The following CCBE1 variants were observed in gnomAD, a reference collection of about 807,000 sequenced individuals.
CCBE1 encodes the protein collagen and calcium-binding EGF domain-containing protein 1.
CCBE1 carries 37 observed loss-of-function variants against 50.0 expected under a neutral mutation model. The ratio of observed to expected loss-of-function variants is 0.74; its 90% CI spans 0.57 to 0.97. The LOEUF is 0.97. CCBE1 is among the 50% of genes least tolerant of loss of function. The pLI, the probability that CCBE1 is intolerant of heterozygous loss-of-function variation, is 0.00. For synonymous variants in CCBE1, 234 were observed against 203.7 expected (o/e 1.15, Z -1.27); for missense variants, 538 against 523.8 (o/e 1.03, Z -0.26).
At chr18:59,523,342 G>GA (rs1914687207) in intron 2 of CCBE1, among the ~76,000 whole-genome samples, 1 of 150,948 alleles carries the variant, frequency 6.6e-6, no homozygotes, top group South Asian at 2.1e-4. Context: ...GGTTGATAGG[G>GA]ATACAGCCTT....
chr18:59,576,739 T>G (rs1255438324), intron 2 of CCBE1, among the ~76,000 whole-genome samples: 1 of 152,212 alleles, frequency 6.6e-6, no homozygotes, highest in Non-Finnish European at 1.5e-5. Context: ...TCTGTCTTGG[T>G]GTGAAACAAA....
At chr18:59,582,072 C>A (rs1568217507) in intron 2 of CCBE1, among the ~76,000 whole-genome samples, 1 of 152,108 alleles carries the variant, frequency 6.6e-6, no homozygotes, top group African/African-American at 2.4e-5. Context: ...CTCACAAAAC[C>A]TGTGGACCCA....
At chr18:59,480,458 A>T (rs756126908) in intron 2 of CCBE1, among the ~76,000 whole-genome samples, 2 of 152,178 alleles carry the variant, frequency 1.3e-5, no homozygotes, top group African/African-American at 4.8e-5. Flanking sequence ...TACATAATAT[A>T]TGAAATCAAC....
At chr18:59,643,222 T>C (rs2054013960) in intron 2 of CCBE1, among the ~76,000 whole-genome samples, 1 of 152,170 alleles carries the variant, frequency 6.6e-6, no homozygotes, top group African/African-American at 2.4e-5. Context: ...TCTAGTATTA[T>C]TCATCCTATT....
chr18:59,666,656 T>C (rs12458423), intron 2 of CCBE1, among the ~76,000 whole-genome samples: 30 of 152,082 alleles, frequency 2.0e-4, no homozygotes, highest in Admixed American at 2.0e-3. Flanking sequence ...TGTGAATGTA[T>C]ACAAGGCACA....
chr18:59,532,750 T>C (rs1915100483), intron 2 of CCBE1, among the ~76,000 whole-genome samples: 3 of 152,268 alleles, frequency 2.0e-5, no homozygotes, highest in Non-Finnish European at 2.9e-5. Context: ...GTTCATGTTC[T>C]TTCTACCACG....
At chr18:59,525,282 A>G (rs1230110677) in intron 2 of CCBE1, among the ~76,000 whole-genome samples, 2 of 152,186 alleles carry the variant, frequency 1.3e-5, no homozygotes, top group Admixed American at 1.3e-4. Flanking sequence ...ACTGGCATGA[A>G]ATGGTATCTC....
At chr18:59,642,362 C>T (rs1252703175) in intron 2 of CCBE1, among the ~76,000 whole-genome samples, 1 of 152,162 alleles carries the variant, frequency 6.6e-6, no homozygotes, top group Non-Finnish European at 1.5e-5. Context: ...TAATGGGAGT[C>T]TTCTTCCATT....
chr18:59,578,378 A>C (rs2053031744), intron 2 of CCBE1, among the ~76,000 whole-genome samples: 1 of 152,230 alleles, frequency 6.6e-6, no homozygotes, highest in East Asian at 1.9e-4. Context: ...CCACTGTGGA[A>C]GACAGTGTGG....
At chr18:59,466,075 A>G (rs927369898) in intron 5 of CCBE1, among the ~76,000 whole-genome samples, 3 of 152,066 alleles carry the variant, frequency 2.0e-5, no homozygotes, top group Non-Finnish European at 4.4e-5. Flanking sequence ...CCTCTGAGGT[A>G]CCTGATTGTG....
chr18:59,627,722 G>A (rs2053804223), intron 2 of CCBE1, among the ~76,000 whole-genome samples: 1 of 152,192 alleles, frequency 6.6e-6, no homozygotes, highest in Non-Finnish European at 1.5e-5. Context: ...GACGCTGGAA[G>A]CAGCAAGGAT....
Position 59,696,571 on chromosome 18 carries a change from C to T in CCBE1, c.212+58G>A, listed in dbSNP as rs988524776. On this transcript the variant is annotated intron_variant, in intron 2 of 10. Coordinates refer to ENST00000439986, the MANE Select transcript of CCBE1 (RefSeq NM_133459.4). The stretch of plus-strand genomic sequence containing the variant: ...TCCAAACCCCTCCTTTACAGCGCCG[C>T]CTCCCCAGCCAGCCCCGGTGCGCAG... The T allele has an allele frequency of 1.7e-5, 28 of 1,608,910 alleles. No individual in the cohort carries two copies. In the Admixed American group the frequency reaches 4.7e-4, roughly 27 times the overall value.
chr18:59,437,729 G>A (rs1418830781), intron 10 of CCBE1, among the ~76,000 whole-genome samples: 1 of 152,180 alleles, frequency 6.6e-6, no homozygotes, highest in Admixed American at 6.5e-5. Context: ...TGCTAGGGTT[G>A]CAGCAGTGGC....
chr18:59,668,257 A>G (rs2054382166), intron 2 of CCBE1, among the ~76,000 whole-genome samples: 1 of 152,048 alleles, frequency 6.6e-6, no homozygotes, highest in South Asian at 2.1e-4. Context: ...GTCTCTACTA[A>G]AAATACAAAA....
At chr18:59,647,475 A>AT (rs926234213) in intron 2 of CCBE1, among the ~76,000 whole-genome samples, 4 of 152,098 alleles carry the variant, frequency 2.6e-5, no homozygotes, top group African/African-American at 9.7e-5. Context: ...AGTTTTCTGT[A>AT]TTTTCCAGAT....
chr18:59,668,792 T>G (rs2054391174), intron 2 of CCBE1, among the ~76,000 whole-genome samples: 1 of 151,404 alleles, frequency 6.6e-6, no homozygotes, highest in Non-Finnish European at 1.5e-5. Context: ...TGTCCAACAT[T>G]GTGCTGGATG....
intron 2 of CCBE1, among the ~76,000 whole-genome samples, chr18:59,591,850 A>C (rs1375324430): frequency 1.3e-5 from 2 of 152,254 alleles, no homozygotes; most frequent in African/African-American, 4.8e-5. Flanking sequence ...GCACAAGGCT[A>C]TTAATTTCAG....
At chr18:59,524,177 A>T (rs1262199222) in intron 2 of CCBE1, among the ~76,000 whole-genome samples, 1 of 152,148 alleles carries the variant, frequency 6.6e-6, no homozygotes, top group Non-Finnish European at 1.5e-5. Context: ...AAAAATTGCC[A>T]GACATGGTGG....
At chr18:59,656,671 A>G (rs938248909) in intron 2 of CCBE1, among the ~76,000 whole-genome samples, 2 of 152,232 alleles carry the variant, frequency 1.3e-5, no homozygotes, top group African/African-American at 2.4e-5. Context: ...GCTAATTAAT[A>G]TATTTTAAGA....
Sources: allele counts gnomAD v4.1 joint callset (sites outside exome capture counted in the v4.1 genomes callset), GRCh38; gene constraint gnomAD v4.1.1; transcripts MANE v1.5; gene names NCBI Gene and HGNC (gene_info 2026-07-23, HGNC 2026-07-21).